ESR1: variants seen among roughly 807,000 people sequenced by gnomAD.
ESR1 encodes the protein estrogen receptor 1.
Under a neutral mutation model 52.7 loss-of-function variants are expected in ESR1, and 12 were observed. The ratio of observed to expected loss-of-function variants is 0.23; its 90% CI spans 0.15 to 0.37. The LOEUF is 0.37. Among genes scored for constraint, ESR1 ranks in the 10% least tolerant of loss-of-function variants. The pLI is 1.00. For synonymous variants in ESR1, 305 were observed against 316.8 expected (o/e 0.96, Z 0.39); for missense variants, 584 against 779.7 (o/e 0.75, Z 2.99).
At chr6:151,872,231 T>A (rs1444256900) in intron 2 of ESR1, among the ~76,000 whole-genome samples, 1 of 152,184 alleles carries the variant, frequency 6.6e-6, no homozygotes, top group Non-Finnish European at 1.5e-5. Context: ...CGCTTTGAGT[T>A]TATGACGGAA....
chr6:151,773,092 C>T (rs1428549112), intron 2 of ESR1, among the ~76,000 whole-genome samples: 1 of 152,104 alleles, frequency 6.6e-6, no homozygotes, highest in East Asian at 1.9e-4. Flanking sequence ...AAAACAAGGC[C>T]ACTAGGGTTG....
At chr6:152,084,421 T>TAAA (rs112260689) in intron 6 of ESR1, among the ~76,000 whole-genome samples, 1 of 144,198 alleles carries the variant, frequency 6.9e-6, no homozygotes, top group East Asian at 2.0e-4. Flanking sequence ...TAAAGTATAA[T>TAAA]AAAAAAAAAA....
chr6:151,986,500 C>T (rs1020069811), intron 4 of ESR1, among the ~76,000 whole-genome samples: 6 of 151,978 alleles, frequency 3.9e-5, no homozygotes, highest in African/African-American at 1.5e-4. Context: ...GTTTATTTGT[C>T]TTAGTAAGAT....
intron 1 of ESR1, among the ~76,000 whole-genome samples, chr6:151,833,402 A>G (rs1464803297): frequency 1.3e-5 from 2 of 152,198 alleles, no homozygotes; most frequent in African/African-American, 4.8e-5. Flanking sequence ...GGGGCCCACC[A>G]TCTAAAGAAG....
intron 3 of ESR1, among the ~76,000 whole-genome samples, chr6:151,939,725 C>T (rs1342180335): frequency 6.6e-6 from 1 of 151,976 alleles, no homozygotes; most frequent in Non-Finnish European, 1.5e-5. Flanking sequence ...TTCATTGAAC[C>T]ATACCCTTGG....
intron 2 of ESR1, among the ~76,000 whole-genome samples, chr6:151,733,542 G>A (rs1782416718): frequency 6.6e-6 from 1 of 152,010 alleles, no homozygotes. Flanking sequence ...TGTGGGTCAG[G>A]CACACTTCAC....
At chr6:151,796,558 C>T (rs532100888) in intron 2 of ESR1, among the ~76,000 whole-genome samples, 1 of 152,214 alleles carries the variant, frequency 6.6e-6, no homozygotes, top group Non-Finnish European at 1.5e-5. Context: ...ATTTGTAAAA[C>T]ACTTGATAGA....
chr6:152,003,343 T>A (rs1389216073), intron 4 of ESR1, among the ~76,000 whole-genome samples: 5 of 105,514 alleles, frequency 4.7e-5, no homozygotes, highest in Non-Finnish European at 9.8e-5. Context: ...GGTAATTATG[T>A]GTGTGTGTGT....
At chr6:151,981,247 CT>C (rs1251856246) in intron 4 of ESR1, among the ~76,000 whole-genome samples, 2 of 152,150 alleles carry the variant, frequency 1.3e-5, no homozygotes, top group African/African-American at 4.8e-5. Context: ...TAATTTCCCC[CT>C]ATATTGCCAT....
At chr6:152,110,002 C>T (rs538184394) in intron 6 of ESR1, among the ~76,000 whole-genome samples, 4 of 152,300 alleles carry the variant, frequency 2.6e-5, no homozygotes, top group South Asian at 2.1e-4. Flanking sequence ...ACAAAAGCTA[C>T]GTACCAGTTT....
intron 3 of ESR1, among the ~76,000 whole-genome samples, chr6:151,925,883 A>G (rs2032649280): frequency 6.6e-6 from 1 of 152,164 alleles, no homozygotes; most frequent in Non-Finnish European, 1.5e-5. Flanking sequence ...ACCAAATTCA[A>G]TATCATATAG....
intron 4 of ESR1, among the ~76,000 whole-genome samples, chr6:151,984,531 C>G (rs1447013099): frequency 1.3e-5 from 2 of 152,054 alleles, no homozygotes; most frequent in East Asian, 3.9e-4. Flanking sequence ...ATGATTTTTC[C>G]CTCTGTTATT....
At chr6:151,940,739 T>A (rs1421623025) in intron 3 of ESR1, among the ~76,000 whole-genome samples, 1 of 152,236 alleles carries the variant, frequency 6.6e-6, no homozygotes, top group Non-Finnish European at 1.5e-5. Flanking sequence ...ATTAATTCAT[T>A]CAACGAATAT....
At chr6:152,085,116 C>T (rs890670975) in intron 6 of ESR1, among the ~76,000 whole-genome samples, 7 of 152,058 alleles carry the variant, frequency 4.6e-5, no homozygotes, top group Admixed American at 2.0e-4. Context: ...TCTTCTGGAT[C>T]GCTTTCCTCC....
At chr6:152,021,272 G>C (rs2043625317) in intron 5 of ESR1, among the ~76,000 whole-genome samples, 1 of 152,136 alleles carries the variant, frequency 6.6e-6, no homozygotes, top group Non-Finnish European at 1.5e-5. Flanking sequence ...CATGCTGAAT[G>C]CTTCCTGCCC....
chr6:151,942,810 T>C (rs529145640), intron 3 of ESR1, among the ~76,000 whole-genome samples: 2 of 152,312 alleles, frequency 1.3e-5, no homozygotes, highest in African/African-American at 4.8e-5. Context: ...AATAGTTGTA[T>C]TAACTTTTTA....
intron 6 of ESR1, among the ~76,000 whole-genome samples, chr6:152,120,079 C>T (rs1278126658): frequency 6.6e-6 from 1 of 152,248 alleles, no homozygotes; most frequent in East Asian, 1.9e-4. Flanking sequence ...TTCTCAGCAA[C>T]ATTTGCCATT....
chr6:151,867,422 C>CACACACAG lies in ESR1; in HGVS notation c.644-13226_644-13225insGACACACA, dbSNP rs1307640090. On this transcript the variant is annotated intron_variant, in intron 2 of 7. Transcript: ENST00000206249. Reference sequence around the variant, plus strand: ...AGGAACTTCAACAAATTTACACACACACACACACACACACACACACAAACA... The same window carrying CACACACAG: ...AGGAACTTCAACAAATTTACACACACACACACAGACACACACACACACACACACAAACA... Among the ~76,000 whole-genome samples, 3 of 151,466 alleles carry CACACACAG rather than the reference C, an allele frequency of 2.0e-5. No individual in the cohort carries two copies. In the East Asian group the frequency reaches 5.8e-4, roughly 29 times the overall value.
intron 5 of ESR1, among the ~76,000 whole-genome samples, chr6:152,044,974 T>G (rs2046110319): frequency 6.6e-6 from 1 of 152,240 alleles, no homozygotes; most frequent in African/African-American, 2.4e-5. Flanking sequence ...GACTCATTGC[T>G]GTTATCTGAG....
Sources: allele counts gnomAD v4.1 joint callset (sites outside exome capture counted in the v4.1 genomes callset), GRCh38; gene constraint gnomAD v4.1.1; transcripts MANE v1.5; gene names NCBI Gene and HGNC (gene_info 2026-07-23, HGNC 2026-07-21).